Variants in KIF21A observed in about 807,000 individuals in gnomAD.
KIF21A encodes the protein kinesin-like protein KIF21A.
Under a neutral mutation model 202.9 loss-of-function variants are expected in KIF21A, and 114 were observed. The observed-to-expected ratio is 0.56, with a 90% CI of 0.48 to 0.66. KIF21A has a LOEUF of 0.66. KIF21A is among the 30% of genes least tolerant of loss of function. KIF21A has a pLI of 0.00. For missense variants in KIF21A, 1,677 were observed against 1,994.9 expected (o/e 0.84, Z 3.04); for synonymous variants, 667 against 670.8 (o/e 0.99, Z 0.09).
intron 3 of KIF21A, among the ~76,000 whole-genome samples, chr12:39,369,098 G>A (rs774639505): frequency 1.3e-5 from 2 of 151,986 alleles, no homozygotes; most frequent in Admixed American, 6.6e-5. Flanking sequence ...CCTACTTTTG[G>A]CCTTAGTCAT....
Position 39,357,270 on chromosome 12 carries a change from G to T in KIF21A, c.1383C>A (p.Ala461=). The T allele has an allele frequency of 6.2e-7, 1 of 1,614,074 alleles. No individual in the cohort carries two copies. Among genetic ancestry groups the T allele is most frequent in the Non-Finnish European group, 8.5e-7 (1 of 1,179,988 alleles). The change falls in exon 9 of 38, where the codon GCC becomes GCA. Residue 461 remains alanine, a synonymous_variant. Transcript: ENST00000361418. ...TACCTGCTCTGGCAAGAACATGGTT[G>T]GCCTGATCACTAACAAGCTGTGTAA... ...SRITQLVSDQ[A]NHVLARAGEG...
intron 28 of KIF21A, among the ~76,000 whole-genome samples, chr12:39,319,661 A>G (rs925988587): frequency 1.3e-5 from 2 of 152,110 alleles, no homozygotes; most frequent in Non-Finnish European, 2.9e-5. Flanking sequence ...TACACAAATA[A>G]CTGGCAAGTA....
chr12:39,346,557 C>A, intron 11 of KIF21A, 53 bp from the exon 12 acceptor site: 1 of 1,293,880 alleles, frequency 7.7e-7, no homozygotes, highest in Non-Finnish European at 1.0e-6. Context: ...AAGGACAAAC[C>A]AGACAGTAAA....
intron 4 of KIF21A, among the ~76,000 whole-genome samples, chr12:39,367,422 T>TTATA (rs1398443813): frequency 1.3e-5 from 2 of 152,202 alleles, no homozygotes; most frequent in African/African-American, 4.8e-5. Context: ...TCCAAAACTG[T>TTATA]TATAGTAGAA....
chr12:39,375,300 C>A (rs549303056), intron 1 of KIF21A, among the ~76,000 whole-genome samples: 4 of 152,130 alleles, frequency 2.6e-5, no homozygotes, highest in Non-Finnish European at 4.4e-5. Context: ...TGAAACTTAG[C>A]AAAACTGAGT....
rs761658003 is a variant in KIF21A, at chr12:39,358,982, C to T, written c.1020-609G>A. 3.9e-5 allele frequency among the ~76,000 whole-genome samples: 6 copies of T among 152,074 alleles called. No homozygotes were observed. The South Asian group carries it at 6.2e-4, about 16-fold the overall frequency. ...CACCGAAGATTAGGATAGTGAAATG[C>T]TAAGTATGCCCCATTATGTTTGTAT... On this transcript the variant is annotated intron_variant, in intron 7 of 37. Coordinates refer to ENST00000361418, the MANE Select transcript of KIF21A (RefSeq NM_001173464.2).
chr12:39,330,666 G>A (rs1946431662), intron 23 of KIF21A, 80 bp downstream of exon 23: 1 of 1,212,230 alleles, frequency 8.2e-7, no homozygotes, highest in Non-Finnish European at 1.2e-6. Context: ...CAAGCCATAG[G>A]GGAAAGGGAT....
chr12:39,368,205 T>C (rs1416146575), intron 3 of KIF21A, among the ~76,000 whole-genome samples, 173 bp from the exon 4 acceptor site: 1 of 152,136 alleles, frequency 6.6e-6, no homozygotes, highest in African/African-American at 2.4e-5. Context: ...CAATTATAAG[T>C]AAATGCCAGA....
intron 17 of KIF21A, among the ~76,000 whole-genome samples, chr12:39,334,997 A>T (rs1037469010): frequency 2.0e-5 from 3 of 152,216 alleles, no homozygotes; most frequent in Non-Finnish European, 4.4e-5. Flanking sequence ...CAAAAAATGG[A>T]AAGAACCCAA....
chr12:39,300,513 G>A (rs1262384435), intron 37 of KIF21A, among the ~76,000 whole-genome samples: 1 of 151,942 alleles, frequency 6.6e-6, no homozygotes, highest in Non-Finnish European at 1.5e-5. Flanking sequence ...ATAAAATCAG[G>A]GTGTTCATGC....
chr12:39,319,266 G>A (rs2137632734), intron 28 of KIF21A, among the ~76,000 whole-genome samples: 1 of 152,160 alleles, frequency 6.6e-6, no homozygotes, highest in East Asian at 1.9e-4. Flanking sequence ...CTGAGGGAGG[G>A]GTGGCAGGGT....
intron 10 of KIF21A, among the ~76,000 whole-genome samples, chr12:39,352,663 A>G (rs1948483012): frequency 6.6e-6 from 1 of 152,164 alleles, no homozygotes; most frequent in Non-Finnish European, 1.5e-5. Context: ...AAAACTGTGC[A>G]AGGAATAATT....
chr12:39,441,685 TA>T (rs1231111259), intron 1 of KIF21A, among the ~76,000 whole-genome samples: 3 of 27,212 alleles, frequency 1.1e-4, no homozygotes, highest in African/African-American at 4.1e-4. Flanking sequence ...AAAAAACACT[TA>T]AAAACTCATT....
chr12:39,305,906 T>A (rs1364827189), intron 34 of KIF21A, among the ~76,000 whole-genome samples: 2 of 152,190 alleles, frequency 1.3e-5, no homozygotes, highest in Non-Finnish European at 2.9e-5. Context: ...TGCATGTACA[T>A]CATATATACA....
chr12:39,318,808 G>A (rs541658558), intron 28 of KIF21A, among the ~76,000 whole-genome samples: 1 of 152,114 alleles, frequency 6.6e-6, no homozygotes, highest in East Asian at 1.9e-4. Context: ...GTGAAACCCC[G>A]TCCCTACTAA....
chr12:39,338,259 T>C (rs1031502275), intron 16 of KIF21A, among the ~76,000 whole-genome samples: 5 of 152,102 alleles, frequency 3.3e-5, no homozygotes, highest in Admixed American at 3.3e-4. Flanking sequence ...GTAAAAAATA[T>C]AAAAACTTAA....
At chr12:39,352,518 T>G (rs746717598) in intron 10 of KIF21A, among the ~76,000 whole-genome samples, 9 of 152,154 alleles carry the variant, frequency 5.9e-5, no homozygotes, top group Non-Finnish European at 8.8e-5. Flanking sequence ...CAGTGGTAAT[T>G]AGATTACTTG....
At chr12:39,332,054 CT>C in intron 21 of KIF21A, 159 bp downstream of exon 21, 1 of 714,608 alleles carries the variant, frequency 1.4e-6, no homozygotes, top group South Asian at 1.8e-5. Context: ...GCAGAGAAAT[CT>C]GAAAAGCAAG....
intron 1 of KIF21A, among the ~76,000 whole-genome samples, chr12:39,371,091 ATTAT>A (rs1949922989): frequency 6.6e-6 from 1 of 152,190 alleles, no homozygotes; most frequent in South Asian, 2.1e-4. Flanking sequence ...ATTATACTGC[ATTAT>A]TTAGAGAATA....
Sources: gnomAD v4.1 joint callset for allele counts (sites outside exome capture counted in the v4.1 genomes callset) on GRCh38, gnomAD v4.1.1 for gene constraint, MANE v1.5 for transcripts, NCBI Gene and HGNC (gene_info 2026-07-23, HGNC 2026-07-21) for gene names.